The following MAGI2 variants were observed in gnomAD, a reference collection of about 807,000 sequenced individuals.
MAGI2 encodes membrane associated guanylate kinase, WW and PDZ domain containing 2.
Under a neutral mutation model 133.3 loss-of-function variants are expected in MAGI2, and 35 were observed. The observed-to-expected ratio is 0.26, with a 90% CI of 0.20 to 0.35. The LOEUF is 0.35. MAGI2 is among the 10% of genes least tolerant of loss of function. MAGI2 has a pLI of 1.00. For missense variants in MAGI2, 1,636 were observed against 1,863.4 expected (o/e 0.88, Z 2.25); for synonymous variants, 729 against 710.6 (o/e 1.03, Z -0.41).
chr7:78,945,343 G>A (rs1164829689), intron 2 of MAGI2, among the ~76,000 whole-genome samples: 1 of 152,144 alleles, frequency 6.6e-6, no homozygotes, highest in Non-Finnish European at 1.5e-5. Context: ...TTACAGGTGT[G>A]AGCTGCCACG....
At chr7:79,267,727 A>G (rs1387681262) in intron 1 of MAGI2, among the ~76,000 whole-genome samples, 1 of 152,186 alleles carries the variant, frequency 6.6e-6, no homozygotes, top group Admixed American at 6.6e-5. Context: ...GAGAAAAGAC[A>G]TAGAAAGTTA....
intron 2 of MAGI2, among the ~76,000 whole-genome samples, chr7:78,892,157 G>A (rs1472305567): frequency 2.6e-5 from 4 of 152,102 alleles, no homozygotes; most frequent in African/African-American, 9.7e-5. Flanking sequence ...AAATACCCAG[G>A]AATCCAACTT....
intron 14 of MAGI2, among the ~76,000 whole-genome samples, chr7:78,168,522 A>G (rs2150645166): frequency 6.6e-6 from 1 of 152,272 alleles, no homozygotes; most frequent in Admixed American, 6.5e-5. Context: ...AATCCCAAAT[A>G]ATCTGATGCT....
intron 4 of MAGI2, among the ~76,000 whole-genome samples, chr7:78,507,676 G>C (rs1795207905): frequency 6.6e-6 from 1 of 152,122 alleles, no homozygotes; most frequent in African/African-American, 2.4e-5. Context: ...AAATTTTCTA[G>C]GAAGACAGTG....
chr7:78,582,425 T>G (rs1802934023), intron 3 of MAGI2, among the ~76,000 whole-genome samples: 1 of 152,206 alleles, frequency 6.6e-6, no homozygotes, highest in African/African-American at 2.4e-5. Context: ...CAATTGCACC[T>G]GGAATTGCAC....
chr7:78,178,422 C>A (rs3807673), intron 13 of MAGI2, among the ~76,000 whole-genome samples: 1 of 151,934 alleles, frequency 6.6e-6, no homozygotes, highest in Non-Finnish European at 1.5e-5. Context: ...TCAGATTGCC[C>A]TCAAGAAGCT....
intron 3 of MAGI2, chr7:78,554,712 C>A (rs1257155892): frequency 6.6e-6 from 1 of 152,232 alleles, no homozygotes; most frequent in Non-Finnish European, 1.5e-5. Flanking sequence ...TCTGAAGACA[C>A]AGGGTCACAG....
At chr7:78,282,929 T>C (rs1795772242) in intron 9 of MAGI2, among the ~76,000 whole-genome samples, 1 of 152,116 alleles carries the variant, frequency 6.6e-6, no homozygotes. Flanking sequence ...TCAGATTCCA[T>C]TATCCAACAA....
chr7:78,749,296 A>C (rs866505738), intron 2 of MAGI2, among the ~76,000 whole-genome samples: 1 of 152,180 alleles, frequency 6.6e-6, no homozygotes, highest in African/African-American at 2.4e-5. Flanking sequence ...CAAGCTATAG[A>C]GGCAAGGCAC....
intron 2 of MAGI2, among the ~76,000 whole-genome samples, chr7:78,930,380 A>G (rs562449226): frequency 1.3e-5 from 2 of 152,278 alleles, no homozygotes; most frequent in Admixed American, 6.5e-5. Context: ...AAATTAGCCC[A>G]TGGATCACAG....
At chr7:78,465,403 G>A (rs1287011153) in intron 6 of MAGI2, among the ~76,000 whole-genome samples, 1 of 152,164 alleles carries the variant, frequency 6.6e-6, no homozygotes, top group African/African-American at 2.4e-5. Flanking sequence ...GGTTTACCTT[G>A]CACAATAGGG....
intron 6 of MAGI2, among the ~76,000 whole-genome samples, chr7:78,428,766 T>C (rs1029654269): frequency 8.5e-5 from 13 of 152,146 alleles, no homozygotes; most frequent in Non-Finnish European, 1.3e-4. Context: ...TATATTTCTC[T>C]TCCCTCCATA....
intron 1 of MAGI2, among the ~76,000 whole-genome samples, chr7:79,403,435 T>G (rs1229921653): frequency 1.3e-5 from 2 of 151,254 alleles, no homozygotes; most frequent in South Asian, 4.2e-4. Flanking sequence ...CCTTTCTTGC[T>G]TTTTTTTTAA....
intron 2 of MAGI2, among the ~76,000 whole-genome samples, chr7:78,915,782 C>T (rs983759624): frequency 4.0e-5 from 6 of 151,254 alleles, no homozygotes; most frequent in Non-Finnish European, 8.8e-5. Flanking sequence ...ACCAGCTTTT[C>T]ACTCATTCAA....
intron 14 of MAGI2, among the ~76,000 whole-genome samples, chr7:78,169,941 A>G (rs1825961604): frequency 6.6e-6 from 1 of 152,224 alleles, no homozygotes; most frequent in Non-Finnish European, 1.5e-5. Context: ...CAAAAGGCTC[A>G]ACCCACTATG....
intron 2 of MAGI2, among the ~76,000 whole-genome samples, chr7:78,935,267 T>C (rs985065535): frequency 1.3e-5 from 2 of 152,182 alleles, no homozygotes; most frequent in African/African-American, 4.8e-5. Context: ...AATGAAGTTT[T>C]TCTAATGTAC....
chr7:78,501,611 C>A lies in MAGI2; in HGVS notation c.931G>T (p.Ala311Ser). Reference sequence around the variant, plus strand: ...TAGACTTCGCCCTTCTCTGTATAGGCCATTTCCCAGTTATCAGGCAATGGG... The same window carrying A: ...TAGACTTCGCCCTTCTCTGTATAGGACATTTCCCAGTTATCAGGCAATGGG... ...PDPLPDNWEMAYTEKGEVYFI... is the reference protein window; with the variant it reads ...PDPLPDNWEMSYTEKGEVYFI... Residue 311 changes from alanine (A) to serine (S), a missense_variant, in exon 5 of 22, where the codon GCC (alanine) becomes TCC (serine). This residue lies in a region of MAGI2 where 920 missense variants were observed against 1,093.5 expected (regional missense o/e 0.84). Transcript: ENST00000354212. 1.2e-6 allele frequency: 2 copies of A among 1,613,958 alleles called. No homozygotes were observed. The highest frequency in any genetic ancestry group is 1.7e-6 in the Non-Finnish European group (2 of 1,180,024).
intron 1 of MAGI2, among the ~76,000 whole-genome samples, chr7:79,234,526 C>T (rs964332822): frequency 9.2e-5 from 14 of 151,960 alleles, no homozygotes; most frequent in African/African-American, 3.1e-4. Context: ...CTTCCCTTCT[C>T]GCTTCATTTC....
At chr7:79,186,019 C>T (rs10280184) in intron 1 of MAGI2, among the ~76,000 whole-genome samples, 6,033 of 151,278 alleles carry the variant, frequency 0.04, 480 homozygotes, top group African/African-American at 0.14. Context: ...TGTAATTTAA[C>T]ATTTTTTTGA....
Sources: gnomAD v4.1 joint callset for allele counts (sites outside exome capture counted in the v4.1 genomes callset) on GRCh38, gnomAD v4.1.1 for gene constraint, gnomAD v4.1.1 regional missense constraint, MANE v1.5 for transcripts, NCBI Gene and HGNC (gene_info 2026-07-23, HGNC 2026-07-21) for gene names.